The following FAM107B variants were observed in gnomAD, a reference collection of about 807,000 sequenced individuals.
FAM107B encodes the protein protein FAM107B.
In FAM107B, 21 loss-of-function variants were observed where a neutral mutation model predicts 31.5. The ratio of observed to expected loss-of-function variants is 0.67; its 90% CI spans 0.47 to 0.96. FAM107B has a LOEUF of 0.96. Among genes scored for constraint, FAM107B ranks in the 40% least tolerant of loss-of-function variants. The probability of loss-of-function intolerance (pLI) is 0.00; values close to 1 mark genes in which losing one functional copy is unlikely to be tolerated. For synonymous variants in FAM107B, 157 were observed against 141.5 expected (o/e 1.11, Z -0.78); for missense variants, 452 against 377.1 (o/e 1.20, Z -1.64).
chr10:14,676,391 T>C (rs1219273905), intron 1 of FAM107B, among the ~76,000 whole-genome samples: 3 of 152,204 alleles, frequency 2.0e-5, no homozygotes, highest in Non-Finnish European at 4.4e-5. Flanking sequence ...CTAAATTACA[T>C]ATTCTTCCAG....
At chr10:14,590,956 TCCAGC>T (rs1851996990) in intron 2 of FAM107B, among the ~76,000 whole-genome samples, 1 of 125,368 alleles carries the variant, frequency 8.0e-6, no homozygotes, top group African/African-American at 3.2e-5. Context: ...TCCACTGCAC[TCCAGC>T]CTGGGCAACA....
At chr10:14,663,594 T>A (rs1854311853) in intron 2 of FAM107B, 1 of 152,166 alleles carries the variant, frequency 6.6e-6, no homozygotes, top group South Asian at 2.1e-4. Context: ...AAAAGGAAGT[T>A]CTTATAAATG....
At chr10:14,627,100 T>C (rs1451943947) in intron 2 of FAM107B, among the ~76,000 whole-genome samples, 1 of 152,214 alleles carries the variant, frequency 6.6e-6, no homozygotes. Context: ...AGACAGACAC[T>C]GGTGGACCTA....
intron 2 of FAM107B, among the ~76,000 whole-genome samples, chr10:14,637,309 G>A (rs984251210): frequency 3.9e-5 from 6 of 152,118 alleles, no homozygotes; most frequent in Admixed American, 3.3e-4. Context: ...CTCCTCTTGA[G>A]TGTAGGCAGG....
chr10:14,528,335 C>T (rs565808055), intron 3 of FAM107B, among the ~76,000 whole-genome samples: 1 of 152,046 alleles, frequency 6.6e-6, no homozygotes, highest in Non-Finnish European at 1.5e-5. Context: ...GCATGTGCCA[C>T]CAAGCCCGGC....
intron 2 of FAM107B, among the ~76,000 whole-genome samples, chr10:14,627,135 C>T (rs1051750137): frequency 5.9e-5 from 9 of 152,130 alleles, no homozygotes; most frequent in Non-Finnish European, 1.3e-4. Context: ...CCAATTACCC[C>T]AGGGCAATTT....
chr10:14,539,608 C>A (rs961544137), intron 2 of FAM107B, among the ~76,000 whole-genome samples: 1 of 152,008 alleles, frequency 6.6e-6, no homozygotes, highest in African/African-American at 2.4e-5. Context: ...AACAAAAATA[C>A]TCTAGGGTGT....
intron 2 of FAM107B, among the ~76,000 whole-genome samples, chr10:14,631,408 A>C (rs573383398): frequency 6.6e-6 from 1 of 152,194 alleles, no homozygotes; most frequent in Non-Finnish European, 1.5e-5. Context: ...TATCTGTTTA[A>C]ACAGAAGAGA....
rs1845456047 is a variant in FAM107B at position 14,519,782 on chromosome 10, T to C, written c.*1408A>G. The C allele has an allele frequency of 6.6e-6, 1 of 152,170 alleles. No individual in the cohort carries two copies. The highest frequency in any genetic ancestry group is 1.5e-5 in the Non-Finnish European group (1 of 68,022). The allele number at this position is 152,170 out of a possible 1,614,324, so 9.4% of individuals were successfully genotyped here. Reference sequence around the variant, plus strand: ...GAGTCTTCAAAGAAAGTATGAGAAGTCTCTCCAATGCAGAAATGACTGGCT... The same window carrying C: ...GAGTCTTCAAAGAAAGTATGAGAAGCCTCTCCAATGCAGAAATGACTGGCT... On this transcript the variant is annotated 3_prime_UTR_variant, in exon 5 of 5. Transcript: ENST00000181796.
At chr10:14,740,598 G>C (rs1264307418) in intron 1 of FAM107B, among the ~76,000 whole-genome samples, 1 of 152,040 alleles carries the variant, frequency 6.6e-6, no homozygotes, top group African/African-American at 2.4e-5. Flanking sequence ...TGCGTATATG[G>C]GCTTTAGTTA....
At chr10:14,677,581 AC>A (rs1434384231) in intron 1 of FAM107B, among the ~76,000 whole-genome samples, 2 of 152,132 alleles carry the variant, frequency 1.3e-5, no homozygotes, top group African/African-American at 4.8e-5. Context: ...AGATGGCGCC[AC>A]TGCACTCCAG....
At chr10:14,734,831 G>A (rs1385101410) in intron 1 of FAM107B, among the ~76,000 whole-genome samples, 1 of 152,126 alleles carries the variant, frequency 6.6e-6, no homozygotes, top group Non-Finnish European at 1.5e-5. Context: ...TGAGCTTTGT[G>A]CTTTTAAATA....
rs74613518 is a variant in FAM107B at position 14,765,494 on chromosome 10, C to T, written c.411+8759G>A. Among the ~76,000 whole-genome samples, 1,541 of 152,164 alleles carry T rather than the reference C, an allele frequency of 0.01. 99 individuals are homozygous for T. The East Asian group carries it at 0.17, about 16-fold the overall frequency. On this transcript the variant is annotated intron_variant, in intron 1 of 4. Transcript: ENST00000181796. ...AATTCTTGACTGGGTATATCATGCACGATCATGCCACTGTGTTTAACATCT... is the reference window on the plus strand; with the variant it reads ...AATTCTTGACTGGGTATATCATGCATGATCATGCCACTGTGTTTAACATCT...
At chr10:14,754,770 A>C (rs1832896154) in intron 1 of FAM107B, among the ~76,000 whole-genome samples, 2 of 152,224 alleles carry the variant, frequency 1.3e-5, no homozygotes, top group South Asian at 4.1e-4. Context: ...TGCCTGTAAG[A>C]TGCAGATGCA....
intron 1 of FAM107B, among the ~76,000 whole-genome samples, chr10:14,737,965 G>C (rs1055496901): frequency 6.6e-6 from 1 of 151,994 alleles, no homozygotes; most frequent in African/African-American, 2.4e-5. Flanking sequence ...CGGTCTCTAG[G>C]CGTTTCATTC....
At position 14,520,882 on chromosome 10, in the gene FAM107B, T is replaced by C. The variant is rs918690465; in HGVS notation, c.*308A>G. 1 of 277,340 alleles carries C rather than the reference T, an allele frequency of 3.6e-6. No individual in the cohort carries two copies. Among genetic ancestry groups the C allele is most frequent in the Non-Finnish European group, 6.6e-6 (1 of 150,966 alleles). The allele number at this position is 277,340 out of a possible 1,614,324, so 17.2% of individuals were successfully genotyped here. A position where few individuals can be genotyped will look rare whatever the true frequency, so the allele number is the denominator to read the frequency against. ...AACCAAGTAGTGCAACTCTCAAGAATTGATTCCAGTGTCCTCTTCCTTTTT... is the reference window on the plus strand; with the variant it reads ...AACCAAGTAGTGCAACTCTCAAGAACTGATTCCAGTGTCCTCTTCCTTTTT... On this transcript the variant is annotated 3_prime_UTR_variant, in exon 5 of 5. Transcript: ENST00000181796.
At chr10:14,629,967 G>C (rs1236079062) in intron 2 of FAM107B, among the ~76,000 whole-genome samples, 4 of 152,010 alleles carry the variant, frequency 2.6e-5, no homozygotes, top group Non-Finnish European at 5.9e-5. Context: ...CTTTCAACTT[G>C]AGATACATGA....
At chr10:14,737,608 G>A (rs112407021) in intron 1 of FAM107B, among the ~76,000 whole-genome samples, 13 of 148,648 alleles carry the variant, frequency 8.7e-5, no homozygotes, top group African/African-American at 3.1e-4. Context: ...AGAGAGACTC[G>A]GCCTCCAAAA....
chr10:14,681,657 T>C (rs554512762), intron 1 of FAM107B, among the ~76,000 whole-genome samples: 40 of 152,186 alleles, frequency 2.6e-4, no homozygotes, highest in South Asian at 1.5e-3. Context: ...CAAGAACCAC[T>C]GGATGGAGGA....
Sources: allele counts gnomAD v4.1 joint callset (sites outside exome capture counted in the v4.1 genomes callset), GRCh38; gene constraint gnomAD v4.1.1; transcripts MANE v1.5; gene names NCBI Gene and HGNC (gene_info 2026-07-23, HGNC 2026-07-21).